The following GBP5 variants were observed in gnomAD, a reference collection of about 807,000 sequenced individuals.
GBP5 encodes the protein guanylate binding protein 5, also known as guanylate-binding protein 5.
In GBP5, 48 loss-of-function variants were observed where a neutral mutation model predicts 58.2. The ratio of observed to expected loss-of-function variants is 0.83; its 90% CI spans 0.65 to 1.05. The LOEUF (loss-of-function observed/expected upper bound fraction) is 1.05, where lower values mean the gene tolerates loss of function less well. GBP5 is among the 50% of genes least tolerant of loss of function. GBP5 has a pLI of 0.00. For missense variants in GBP5, 714 were observed against 686.8 expected (o/e 1.04, Z -0.44); for synonymous variants, 248 against 251.8 (o/e 0.98, Z 0.14).
chr1:89,270,172 A>G (rs1650388351), intron 2 of GBP5: 3 of 152,244 alleles, frequency 2.0e-5, no homozygotes, highest in South Asian at 4.1e-4. Context: ...TGATTATTTT[A>G]TGATTGACTG....
intron 4 of GBP5, 129 bp from the exon 5 acceptor site, chr1:89,267,655 T>A (rs1021409021): frequency 3.1e-6 from 2 of 639,600 alleles, no homozygotes; most frequent in Non-Finnish European, 5.6e-6. Flanking sequence ...TAACTTTGAA[T>A]AGTTCTCTTG....
At position 89,262,671 on chromosome 1, in the gene GBP5, C is replaced by G; in HGVS notation, c.1465+12G>C. 6.5e-7 allele frequency: 1 copy of G among 1,547,108 alleles called. No homozygotes were observed. Among genetic ancestry groups the G allele is most frequent in the Non-Finnish European group, 8.9e-7 (1 of 1,120,264 alleles). On this transcript the variant is annotated intron_variant, in intron 10 of 11. Transcript: ENST00000370459. ...TTCTTTCTATCTTGCATAATTTCCA[C>G]TTTCTTCTCACCTTTCTTCTTTTTT... is the stretch of plus-strand genomic sequence containing the variant.
At chr1:89,270,521 T>C (rs1055794769) in intron 2 of GBP5, 1 of 152,210 alleles carries the variant, frequency 6.6e-6, no homozygotes, top group African/African-American at 2.4e-5. Context: ...CCATTCTCCC[T>C]GCTTCCTCAT....
At position 89,264,732 on chromosome 1, in the gene GBP5, T is replaced by G; in HGVS notation, c.1103A>C (p.Lys368Thr). The G allele has an allele frequency of 2.5e-6, 4 of 1,614,226 alleles. No homozygotes were observed. The highest frequency in any genetic ancestry group is 3.4e-6 in the Non-Finnish European group (4 of 1,180,038). Residue 368 changes from lysine to threonine, a missense_variant, in exon 8 of 12, where the codon AAA (lysine) becomes ACA (threonine). Coordinates refer to ENST00000370459, the MANE Select transcript of GBP5 (RefSeq NM_052942.5). The stretch of plus-strand genomic sequence containing the variant: ...TTGGTCTACATCCTTGAAAGAGTTT[T>G]TCATGAAGACTTCAATGGCCTCCCT... ...SEREAIEVFM[K>T]NSFKDVDQSF...
chr1:89,261,633 G>C (rs556538759), intron 11 of GBP5, among the ~76,000 whole-genome samples: 1 of 152,228 alleles, frequency 6.6e-6, no homozygotes. Context: ...AAAGTGCTAT[G>C]ACAGTGACTG....
chr1:89,269,181 G>C (rs780233988), intron 3 of GBP5, among the ~76,000 whole-genome samples, 185 bp downstream of exon 3: 15 of 151,854 alleles, frequency 9.9e-5, no homozygotes, highest in East Asian at 1.9e-4. Flanking sequence ...AAAAAAAAAA[G>C]AGGTGATATG....
intron 2 of GBP5, 54 bp from the exon 3 acceptor site, chr1:89,269,628 A>C (rs1438731456): frequency 1.6e-6 from 2 of 1,275,114 alleles, no homozygotes; most frequent in East Asian, 4.7e-5. Flanking sequence ...TTTAATAAGC[A>C]AAGGAAGTCA....
At chr1:89,267,340 A>T in intron 5 of GBP5, 77 bp downstream of exon 5, 1 of 1,113,454 alleles carries the variant, frequency 9.0e-7, no homozygotes, top group Non-Finnish European at 1.4e-6. Context: ...GTGATTCACA[A>T]GGTCTCACAG....
intron 8 of GBP5, 70 bp downstream of exon 8, chr1:89,264,604 TAGCTAAGTCCTA>T: frequency 8.0e-7 from 1 of 1,242,582 alleles, no homozygotes; most frequent in Non-Finnish European, 1.1e-6. Context: ...TTTTTTTTCT[TAGCTAAGTCCTA>T]TTTTATCATT....
chr1:89,270,803 A>G lies in GBP5; in HGVS notation c.-68T>C, dbSNP rs41312656. The G allele has an allele frequency of 3.9e-3, 589 of 152,326 alleles. 1 individual carries two copies. Among genetic ancestry groups the G allele is most frequent in the Non-Finnish European group, 6.6e-3 (449 of 68,002 alleles). The allele number at this position is 152,326 out of a possible 1,614,324, so 9.4% of individuals were successfully genotyped here. The stretch of plus-strand genomic sequence containing the variant: ...GCCTGATTTGTATGCAGCGGAGGCC[A>G]GAATAATTTTTCCACTAGAAAGATA... On this transcript the variant is annotated 5_prime_UTR_variant, in exon 2 of 12. Transcript: ENST00000370459.
In GBP5 at chr1:89,258,615, A is replaced by G. The variant is rs12131735; in HGVS notation, c.*2089T>C. ...CTTCAAAGAACAGTAAAAAGAGCAG[A>G]CACTAAAATTTTTCGGCTTTTTTCT... On this transcript the variant is annotated 3_prime_UTR_variant, in exon 12 of 12. Coordinates refer to ENST00000370459, the MANE Select transcript of GBP5 (RefSeq NM_052942.5). Among the ~76,000 whole-genome samples the G allele has an allele frequency of 0.07, 10,657 of 152,216 alleles. 522 individuals are homozygous for G. The highest frequency in any genetic ancestry group is 0.1 in the Admixed American group (1,521 of 15,282).
At position 89,259,368 on chromosome 1, in the gene GBP5, T is replaced by C. The variant is rs186752036; in HGVS notation, c.*1336A>G. ...GAAGAATCTCTATTTTATTATAACA[T>C]TATTGGCTTTCAGCTTGGAATTTCT... On this transcript the variant is annotated 3_prime_UTR_variant, in exon 12 of 12. Coordinates refer to ENST00000370459, the MANE Select transcript of GBP5 (RefSeq NM_052942.5). 1 of 152,312 alleles carries C rather than the reference T, an allele frequency of 6.6e-6. No homozygotes were observed. The highest frequency in any genetic ancestry group is 1.9e-4 in the East Asian group (1 of 5,182). The allele number at this position is 152,312 out of a possible 1,614,324, so 9.4% of individuals were successfully genotyped here. A position where few individuals can be genotyped will look rare whatever the true frequency, so the allele number is the denominator to read the frequency against.
chr1:89,271,272 G>T (rs1650439280), intron 1 of GBP5: 1 of 152,162 alleles, frequency 6.6e-6, no homozygotes, highest in Non-Finnish European at 1.5e-5. Context: ...TTTTGCCCTT[G>T]CCTTAAATTA....
At position 89,259,404 on chromosome 1, in the gene GBP5, T is replaced by C. The variant is rs1272120889; in HGVS notation, c.*1300A>G. 2 of 152,230 alleles carry C rather than the reference T, an allele frequency of 1.3e-5. No individual in the cohort carries two copies. The highest frequency in any genetic ancestry group is 3.8e-4 in the East Asian group (2 of 5,196). 9.4% of individuals were successfully genotyped at this position (152,230 alleles called of 1,614,324 possible). A position where few individuals can be genotyped will look rare whatever the true frequency, so the allele number is the denominator to read the frequency against. On this transcript the variant is annotated 3_prime_UTR_variant, in exon 12 of 12. Coordinates refer to ENST00000370459, the MANE Select transcript of GBP5 (RefSeq NM_052942.5). ...CAGCTTGGAATTTCTCTACGCAGAT[T>C]GTCTATTGACAGTGCCAAGGAAACA...
At position 89,269,415 on chromosome 1, in the gene GBP5, A is replaced by T. The variant is rs761246240; in HGVS notation, c.141T>A (p.Tyr47Ter). 9 of 1,614,034 alleles carry T rather than the reference A, an allele frequency of 5.6e-6. No homozygotes were observed. In the African/African-American group the frequency reaches 1.2e-4, roughly 22 times the overall value. Residue 47 changes from tyrosine (Y) to a stop codon, truncating the protein, a stop_gained, in exon 3 of 12, where the codon TAT (tyrosine) becomes TAA (stop). Coordinates refer to ENST00000370459, the MANE Select transcript of GBP5 (RefSeq NM_052942.5). LOFTEE classifies it high-confidence loss of function. ...TCATCAGGTAGGATTTGCCAGTGCG[A>T]TAGAGGCCCACAATCGCTACCACAA... ...PVVVVAIVGL[Y>*]RTGKSYLMNK...
chr1:89,260,968 A>T, intron 11 of GBP5, 151 bp from the exon 12 acceptor site: 1 of 600,362 alleles, frequency 1.7e-6, no homozygotes, highest in African/African-American at 1.9e-5. Context: ...TTCTGTAATT[A>T]TTCACCCTCC....
intron 6 of GBP5, 98 bp downstream of exon 6, chr1:89,266,859 A>C (rs999410740): frequency 2.6e-6 from 2 of 764,422 alleles, no homozygotes; most frequent in Non-Finnish European, 4.1e-6. Context: ...GTGAATATAT[A>C]TATATATAGA....
In GBP5 at chr1:89,259,359, A is replaced by G. The variant is rs144480349; in HGVS notation, c.*1345T>C. 67 of 152,264 alleles carry G rather than the reference A, an allele frequency of 4.4e-4. No individual in the cohort carries two copies. Among genetic ancestry groups the G allele is most frequent in the African/African-American group, 1.4e-3 (60 of 41,562 alleles). 9.4% of individuals were successfully genotyped at this position (152,264 alleles called of 1,614,324 possible). On this transcript the variant is annotated 3_prime_UTR_variant, in exon 12 of 12. Coordinates refer to ENST00000370459, the MANE Select transcript of GBP5 (RefSeq NM_052942.5). ...TCATCTTCTGAAGAATCTCTATTTT[A>G]TTATAACATTATTGGCTTTCAGCTT... is the stretch of plus-strand genomic sequence containing the variant.
At position 89,266,439 on chromosome 1, in the gene GBP5, C is replaced by T. The variant is rs1415785158; in HGVS notation, c.775G>A (p.Glu259Lys). The T allele has an allele frequency of 6.2e-7, 1 of 1,614,118 alleles. No homozygotes were observed. Residue 259 changes from glutamate (E) to lysine (K), a missense_variant, in exon 7 of 12, where the codon GAA becomes AAA. Glu to Lys is a moderately conservative substitution (Grantham distance 56). Coordinates refer to ENST00000370459, the MANE Select transcript of GBP5 (RefSeq NM_052942.5). Reference sequence around the variant, plus strand: ...AATTCTGTCACTTGTTGCACAAATTCAGGCTCTAGCTCATCATCAGGCAGT... The same window carrying T: ...AATTCTGTCACTTGTTGCACAAATTTAGGCTCTAGCTCATCATCAGGCAGT... ...ETLPDDELEPEFVQQVTEFCS... is the reference protein window; with the variant it reads ...ETLPDDELEPKFVQQVTEFCS...
Sources: allele counts gnomAD v4.1 joint callset (sites outside exome capture counted in the v4.1 genomes callset), GRCh38; gene constraint gnomAD v4.1.1; transcripts MANE v1.5; gene names NCBI Gene and HGNC (gene_info 2026-07-23, HGNC 2026-07-21).